TMEM260: variants seen among roughly 807,000 people sequenced by gnomAD.
The protein encoded by TMEM260 is transmembrane protein 260, also known as protein O-mannosyl-transferase TMEM260.
In TMEM260, 82 loss-of-function variants were observed where a neutral mutation model predicts 88.9. That is an observed-to-expected ratio of 0.92 (90% CI 0.77 to 1.11). TMEM260 has a LOEUF of 1.11. Among genes scored for constraint, TMEM260 ranks in the 50% least tolerant of loss-of-function variants. The pLI is 0.00. For synonymous variants in TMEM260, 314 were observed against 309.3 expected (o/e 1.02, Z -0.16); for missense variants, 902 against 853.4 (o/e 1.06, Z -0.71).
At chr14:56,661,484 T>C in the TMEM260 span, among the ~76,000 whole-genome samples, 1 of 125,050 alleles carries the variant, frequency 8.0e-6, no homozygotes, top group African/African-American at 3.1e-5. Context: ...AGGTAGTTGG[T>C]GAAAGAAAGA....
At position 56,643,779 on chromosome 14, in the gene TMEM260, A is replaced by G. The variant is rs188841733; in HGVS notation, c.1870-3464A>G. 1.2e-3 allele frequency among the ~76,000 whole-genome samples: 180 copies of G among 152,310 alleles called. 1 individual carries two copies. Among genetic ancestry groups the G allele is most frequent in the Non-Finnish European group, 1.9e-3 (130 of 68,034 alleles). ...GAAAACCCCACTGTCTCAGCCCAAA[A>G]TCTCCTTAAGCTGATAAGCAACTTC... On this transcript the variant is annotated intron_variant, in intron 15 of 15. Coordinates refer to ENST00000261556, the MANE Select transcript of TMEM260 (RefSeq NM_017799.4).
rs763418665 is a variant in TMEM260, at chr14:56,609,296, A to T, written c.816+11A>T. 1.8e-5 allele frequency: 29 copies of T among 1,612,096 alleles called. No homozygotes were observed. The South Asian group carries it at 3.2e-4, about 18-fold the overall frequency. ...GGAACCTTCAGCCTGGTAAATTCAGATTTAAAGCCCTTCTAAGGAAACAAG... is the reference window on the plus strand; with the variant it reads ...GGAACCTTCAGCCTGGTAAATTCAGTTTTAAAGCCCTTCTAAGGAAACAAG... On this transcript the variant is annotated intron_variant, in intron 6 of 15. Transcript: ENST00000261556.
intron 1 of TMEM260, among the ~76,000 whole-genome samples, chr14:56,584,030 G>A (rs778339302): frequency 5.3e-5 from 8 of 149,704 alleles, no homozygotes; most frequent in Non-Finnish European, 1.0e-4. Flanking sequence ...GTGTGTGTAT[G>A]TGTTTAGGGG....
the TMEM260 span, among the ~76,000 whole-genome samples, chr14:56,658,419 G>C: frequency 6.6e-6 from 1 of 151,832 alleles, no homozygotes; most frequent in African/African-American, 2.4e-5. Flanking sequence ...GGCTAATTTT[G>C]TATTTTTTGT....
intron 3 of TMEM260, among the ~76,000 whole-genome samples, chr14:56,596,810 C>T (rs1594823202): frequency 7.2e-6 from 1 of 139,860 alleles, no homozygotes; most frequent in Admixed American, 7.1e-5. Flanking sequence ...TATATATACA[C>T]ACACACACCA....
At chr14:56,656,421 A>C in the TMEM260 span, among the ~76,000 whole-genome samples, 1 of 151,990 alleles carries the variant, frequency 6.6e-6, no homozygotes, top group Non-Finnish European at 1.5e-5. Flanking sequence ...CCTTATCTCA[A>C]ATAAATAAAT....
At chr14:56,615,188 A>G (rs751199328) in intron 7 of TMEM260, among the ~76,000 whole-genome samples, 3 of 152,192 alleles carry the variant, frequency 2.0e-5, no homozygotes, top group Admixed American at 6.5e-5. Context: ...TATGGTTTCT[A>G]TAATTATGGT....
intron 10 of TMEM260, among the ~76,000 whole-genome samples, chr14:56,620,075 G>A (rs1887821890): frequency 6.6e-6 from 1 of 152,150 alleles, no homozygotes; most frequent in Non-Finnish European, 1.5e-5. Flanking sequence ...TTATAAGTGG[G>A]AGCTAAACGA....
intron 15 of TMEM260, among the ~76,000 whole-genome samples, chr14:56,643,909 G>A (rs1393098640): frequency 6.6e-6 from 1 of 152,096 alleles, no homozygotes; most frequent in Non-Finnish European, 1.5e-5. Context: ...ATTCACAATT[G>A]CTTCAAAGAG....
At chr14:56,661,335 C>G in the TMEM260 span, among the ~76,000 whole-genome samples, 23 of 152,158 alleles carry the variant, frequency 1.5e-4, no homozygotes, top group African/African-American at 5.6e-4. Flanking sequence ...GGAGAAACCA[C>G]AAAGCCTGCT....
Position 56,648,151 on chromosome 14 carries a change from G to A in TMEM260, c.*654G>A, listed in dbSNP as rs1890081606. On this transcript the variant is annotated 3_prime_UTR_variant, in exon 16 of 16. Coordinates refer to ENST00000261556, the MANE Select transcript of TMEM260 (RefSeq NM_017799.4). ...GAAACTGGCGAGTAAAAAAGATTTT[G>A]CATTTACTTAATTAATTTTATATTT... 1 of 150,942 alleles carries A rather than the reference G, an allele frequency of 6.6e-6. No homozygotes were observed. Among genetic ancestry groups the A allele is most frequent in the Non-Finnish European group, 1.5e-5 (1 of 67,824 alleles). The allele number at this position is 150,942 out of a possible 1,614,324, so 9.4% of individuals were successfully genotyped here. A position where few individuals can be genotyped will look rare whatever the true frequency, so the allele number is the denominator to read the frequency against.
At chr14:56,582,534 A>G (rs1213388631) in intron 1 of TMEM260, among the ~76,000 whole-genome samples, 1 of 152,232 alleles carries the variant, frequency 6.6e-6, no homozygotes, top group Non-Finnish European at 1.5e-5. Context: ...TGGGCTTGCC[A>G]TTAGTTTGTA....
intron 12 of TMEM260, among the ~76,000 whole-genome samples, chr14:56,628,356 C>A (rs1888366308): frequency 1.3e-5 from 2 of 152,206 alleles, no homozygotes; most frequent in South Asian, 4.1e-4. Context: ...TATTTTCTCG[C>A]AGTTGCTTGT....
chr14:56,625,232 T>G (rs1363850496), intron 11 of TMEM260, 150 bp from the exon 12 acceptor site: 1 of 701,638 alleles, frequency 1.4e-6, no homozygotes, highest in Admixed American at 3.1e-5. Flanking sequence ...AAGTAATCAG[T>G]ACCACATTCT....
At chr14:56,650,355 TGGA>T, downstream of TMEM260, 1 of 245,144 alleles carries the variant, frequency 4.1e-6, no homozygotes, top group Non-Finnish European at 8.2e-6. Context: ...AGAGGGCAAG[TGGA>T]GAAGCGGATG....
At chr14:56,594,370 C>T (rs1419419079) in intron 3 of TMEM260, among the ~76,000 whole-genome samples, 1 of 152,130 alleles carries the variant, frequency 6.6e-6, no homozygotes, top group Non-Finnish European at 1.5e-5. Flanking sequence ...TAATCAATTT[C>T]AGTGGGAACA....
intron 7 of TMEM260, among the ~76,000 whole-genome samples, chr14:56,614,753 A>G (rs887084757): frequency 1.3e-5 from 2 of 152,240 alleles, no homozygotes; most frequent in Non-Finnish European, 2.9e-5. Flanking sequence ...CCAAGTCATC[A>G]TGTAGAATGA....
At chr14:56,614,946 A>ATT (rs1375128616) in intron 7 of TMEM260, among the ~76,000 whole-genome samples, 2 of 152,212 alleles carry the variant, frequency 1.3e-5, no homozygotes, top group African/African-American at 4.8e-5. Context: ...ATATCTCTAA[A>ATT]TTGCAATCCT....
chr14:56,607,928 C>T (rs986385370), intron 5 of TMEM260, among the ~76,000 whole-genome samples: 1 of 152,194 alleles, frequency 6.6e-6, no homozygotes, highest in African/African-American at 2.4e-5. Flanking sequence ...AAGGAAAATT[C>T]TGCAGCAACT....
Sources: gnomAD v4.1 joint callset for allele counts (sites outside exome capture counted in the v4.1 genomes callset) on GRCh38, gnomAD v4.1.1 for gene constraint, MANE v1.5 for transcripts, NCBI Gene and HGNC (gene_info 2026-07-23, HGNC 2026-07-21) for gene names.